MAGI1: variants seen among roughly 807,000 people sequenced by gnomAD.
The protein encoded by MAGI1 is membrane associated guanylate kinase, WW and PDZ domain containing 1, also known as membrane-associated guanylate kinase, WW and PDZ domain-containing protein 1.
A neutral mutation model predicts 139.9 loss-of-function variants in MAGI1; 58 were observed. The ratio of observed to expected loss-of-function variants is 0.41; its 90% CI spans 0.34 to 0.52. The LOEUF (loss-of-function observed/expected upper bound fraction) is 0.52, where lower values mean the gene tolerates loss of function less well. MAGI1 is among the 20% of genes least tolerant of loss of function. MAGI1 has a pLI of 0.12. For synonymous variants in MAGI1, 812 were observed against 737.9 expected (o/e 1.10, Z -1.63); for missense variants, 1,874 against 1,901.6 (o/e 0.99, Z 0.27).
intron 1 of MAGI1, among the ~76,000 whole-genome samples, chr3:65,645,280 G>C (rs1465334379): frequency 6.6e-6 from 1 of 151,410 alleles, no homozygotes; most frequent in African/African-American, 2.4e-5. Context: ...AGAACTGAAA[G>C]AAAAAAAATA....
At chr3:65,847,349 CT>C (rs1304204197) in intron 1 of MAGI1, among the ~76,000 whole-genome samples, 1 of 152,088 alleles carries the variant, frequency 6.6e-6, no homozygotes, top group Non-Finnish European at 1.5e-5. Context: ...AGCTAGGTTT[CT>C]ATTTCTTTTC....
At chr3:65,495,031 C>A (rs192974616) in intron 2 of MAGI1, among the ~76,000 whole-genome samples, 228 of 152,312 alleles carry the variant, frequency 1.5e-3, no homozygotes, top group Non-Finnish European at 2.6e-3. Flanking sequence ...AATTTGTTCC[C>A]GTTTCGTGCC....
intron 1 of MAGI1, among the ~76,000 whole-genome samples, chr3:65,841,883 T>C (rs2058819750): frequency 6.6e-6 from 1 of 152,126 alleles, no homozygotes; most frequent in South Asian, 2.1e-4. Flanking sequence ...TTACAACTGG[T>C]TTGAAATGAG....
Position 65,930,581 on chromosome 3 carries a change from C to A in MAGI1, c.313+107415G>T, listed in dbSNP as rs545012978. On this transcript the variant is annotated intron_variant, in intron 1 of 22. Coordinates refer to ENST00000402939, the MANE Select transcript of MAGI1 (RefSeq NM_001033057.2). ...GGGGCTAGGTAAAATGAGGCTGATA[C>A]CTACTGGGCTGCATTCCCAGGAGGT... 2.0e-5 allele frequency among the ~76,000 whole-genome samples: 3 copies of A among 152,178 alleles called. 1 individual carries two copies. The South Asian group carries it at 6.2e-4, about 32-fold the overall frequency.
intron 1 of MAGI1, among the ~76,000 whole-genome samples, chr3:65,681,697 G>C (rs758384500): frequency 2.0e-5 from 3 of 152,174 alleles, no homozygotes; most frequent in African/African-American, 4.8e-5. Flanking sequence ...AGCACTCATA[G>C]ATAACAAGTA....
At chr3:65,899,057 G>GTCC (rs1559991057) in intron 1 of MAGI1, among the ~76,000 whole-genome samples, 5 of 152,040 alleles carry the variant, frequency 3.3e-5, no homozygotes, top group African/African-American at 1.2e-4. Flanking sequence ...GGGCAGCTGG[G>GTCC]ACTACAGGCA....
chr3:65,645,297 G>A (rs1047053431), intron 1 of MAGI1, among the ~76,000 whole-genome samples: 1 of 152,024 alleles, frequency 6.6e-6, no homozygotes, highest in African/African-American at 2.4e-5. Flanking sequence ...AATATTGAAA[G>A]CAGTGAGAGA....
intron 1 of MAGI1, among the ~76,000 whole-genome samples, chr3:65,770,837 T>C (rs889354450): frequency 1.3e-5 from 2 of 151,896 alleles, no homozygotes; most frequent in African/African-American, 4.8e-5. Context: ...TACAGGCATG[T>C]GCCACAATGC....
At chr3:65,723,527 A>C (rs1339006842) in intron 1 of MAGI1, among the ~76,000 whole-genome samples, 1 of 143,360 alleles carries the variant, frequency 7.0e-6, no homozygotes, top group Non-Finnish European at 1.5e-5. Flanking sequence ...ACTCATTTAT[A>C]CTCCTCAAAA....
At chr3:65,554,673 C>G (rs1296217103) in intron 2 of MAGI1, among the ~76,000 whole-genome samples, 1 of 152,188 alleles carries the variant, frequency 6.6e-6, no homozygotes, top group Non-Finnish European at 1.5e-5. Flanking sequence ...AAGTCTCATA[C>G]CTACATCAAA....
chr3:65,819,250 C>T (rs1275405597), intron 1 of MAGI1, among the ~76,000 whole-genome samples: 1 of 152,182 alleles, frequency 6.6e-6, no homozygotes, highest in Non-Finnish European at 1.5e-5. Context: ...TGCCACTGCA[C>T]AGCCTGGGCA....
rs1952277141 is a variant in MAGI1 at position 65,494,464 on chromosome 3, TAAGTC to T, written c.431-838_431-834del. On this transcript the variant is annotated intron_variant, in intron 2 of 22. Transcript: ENST00000402939. ...CAATGAGCAGAATGTGGTTTACACA[TAAGTC>T]AAGAAAGGAAAATAAACCAAACAGC... 4.6e-5 allele frequency among the ~76,000 whole-genome samples: 7 copies of T among 152,194 alleles called. No individual in the cohort carries two copies. In the South Asian group the frequency reaches 1.2e-3, roughly 27 times the overall value.
chr3:65,942,689 G>C (rs986271852), intron 1 of MAGI1, among the ~76,000 whole-genome samples: 1 of 152,196 alleles, frequency 6.6e-6, no homozygotes, highest in African/African-American at 2.4e-5. Flanking sequence ...CTAGAGGGTT[G>C]TTATGCAGAT....
chr3:65,451,413 T>C (rs561306035), intron 6 of MAGI1, among the ~76,000 whole-genome samples: 4 of 152,346 alleles, frequency 2.6e-5, no homozygotes, highest in Admixed American at 6.5e-5. Context: ...TTTTATGCTA[T>C]GATCTTTGAA....
At chr3:65,438,395 G>A (rs1036955807) in intron 9 of MAGI1, among the ~76,000 whole-genome samples, 9 of 152,158 alleles carry the variant, frequency 5.9e-5, no homozygotes, top group African/African-American at 2.2e-4. Flanking sequence ...GGGGGATGAA[G>A]GATGATAAAT....
chr3:65,741,260 C>T (rs2035241850), intron 1 of MAGI1, among the ~76,000 whole-genome samples: 1 of 151,906 alleles, frequency 6.6e-6, no homozygotes, highest in African/African-American at 2.4e-5. Context: ...CTGCAACCTC[C>T]GCCTCCCAGG....
intron 1 of MAGI1, among the ~76,000 whole-genome samples, chr3:65,724,182 C>T (rs182515196): frequency 2.6e-4 from 40 of 152,334 alleles, no homozygotes; most frequent in Non-Finnish European, 4.7e-4. Flanking sequence ...TGTATATAAA[C>T]TCACACTGTC....
intron 2 of MAGI1, among the ~76,000 whole-genome samples, chr3:65,507,996 TG>T (rs1384157402): frequency 1.3e-5 from 2 of 152,222 alleles, no homozygotes; most frequent in Admixed American, 1.3e-4. Flanking sequence ...CCTGTGCTGA[TG>T]TGATAAACCC....
chr3:65,695,654 A>G (rs2089111621), intron 1 of MAGI1, among the ~76,000 whole-genome samples: 1 of 152,214 alleles, frequency 6.6e-6, no homozygotes, highest in African/African-American at 2.4e-5. Flanking sequence ...AATCTACAGT[A>G]GACGCCTAGA....
Sources: gnomAD v4.1 joint callset for allele counts (sites outside exome capture counted in the v4.1 genomes callset) on GRCh38, gnomAD v4.1.1 for gene constraint, MANE v1.5 for transcripts, NCBI Gene and HGNC (gene_info 2026-07-23, HGNC 2026-07-21) for gene names.